Variants in ACOXL observed in about 807,000 individuals in gnomAD.
ACOXL encodes the protein acyl-CoA oxidase like.
ACOXL carries 70 observed loss-of-function variants against 71.9 expected under a neutral mutation model. The ratio of observed to expected loss-of-function variants is 0.97; its 90% CI spans 0.80 to 1.19. The LOEUF (loss-of-function observed/expected upper bound fraction) is 1.19, where lower values mean the gene tolerates loss of function less well. ACOXL is among the 50% of genes most tolerant of loss of function. The pLI is 0.00. For synonymous variants in ACOXL, 253 were observed against 281.6 expected (o/e 0.90, Z 1.02); for missense variants, 703 against 736.3 (o/e 0.95, Z 0.52).
chr2:111,049,044 T>C (rs145510803), intron 15 of ACOXL, among the ~76,000 whole-genome samples, 174 bp from the exon 16 acceptor site: 2 of 152,256 alleles, frequency 1.3e-5, no homozygotes, highest in East Asian at 3.9e-4. Flanking sequence ...GAGAAGTCAC[T>C]GTACGGGGGC....
intron 11 of ACOXL, among the ~76,000 whole-genome samples, chr2:110,932,102 G>A (rs1049690685): frequency 1.3e-5 from 2 of 152,166 alleles, no homozygotes; most frequent in Non-Finnish European, 2.9e-5. Context: ...GCAATAAAAA[G>A]GAACAACTAC....
At chr2:110,857,149 T>G (rs1384528682) in intron 10 of ACOXL, among the ~76,000 whole-genome samples, 1 of 152,174 alleles carries the variant, frequency 6.6e-6, no homozygotes, top group Non-Finnish European at 1.5e-5. Flanking sequence ...GCTTTGATCT[T>G]TCTTCTCTGC....
chr2:110,972,474 A>G (rs749956388), intron 12 of ACOXL, among the ~76,000 whole-genome samples: 15 of 152,214 alleles, frequency 9.9e-5, no homozygotes, highest in African/African-American at 1.9e-4. Flanking sequence ...GGGTGTGTCA[A>G]CGGTCCCCAG....
At chr2:111,043,916 TCTC>T (rs962709763) in intron 15 of ACOXL, among the ~76,000 whole-genome samples, 6 of 152,188 alleles carry the variant, frequency 3.9e-5, no homozygotes, top group Non-Finnish European at 8.8e-5. Flanking sequence ...GCTGGTGCAA[TCTC>T]CTCTTTCCAG....
At chr2:110,754,070 ATTT>A (rs558367497) in intron 1 of ACOXL, among the ~76,000 whole-genome samples, 4 of 119,848 alleles carry the variant, frequency 3.3e-5, no homozygotes, top group Admixed American at 8.5e-5. Context: ...AGTTCTGTGA[ATTT>A]TTTTTTTTTT....
At chr2:110,981,681 C>T (rs2062713983) in intron 12 of ACOXL, among the ~76,000 whole-genome samples, 1 of 152,164 alleles carries the variant, frequency 6.6e-6, no homozygotes, top group Admixed American at 6.6e-5. Context: ...AAAAGCTCTC[C>T]TGTTCCATAA....
At chr2:110,954,544 T>C (rs1056303136) in intron 12 of ACOXL, among the ~76,000 whole-genome samples, 1 of 152,198 alleles carries the variant, frequency 6.6e-6, no homozygotes, top group African/African-American at 2.4e-5. Context: ...ACTTACGAAG[T>C]CTGAAGTGAA....
chr2:111,081,893 G>A (rs2067943025), intron 16 of ACOXL, among the ~76,000 whole-genome samples: 1 of 152,044 alleles, frequency 6.6e-6, no homozygotes, highest in Non-Finnish European at 1.5e-5. Context: ...TCTGATCTTT[G>A]ACAAACCTTA....
intron 14 of ACOXL, among the ~76,000 whole-genome samples, chr2:111,029,563 A>G (rs1314319107): frequency 6.6e-6 from 1 of 152,150 alleles, no homozygotes; most frequent in Non-Finnish European, 1.5e-5. Context: ...TCAGCCTCTT[A>G]TTTCCTACCA....
intron 17 of ACOXL, among the ~76,000 whole-genome samples, chr2:111,106,083 T>C (rs76399173): frequency 0.038 from 5,723 of 152,298 alleles, 376 homozygotes; most frequent in African/African-American, 0.13. Flanking sequence ...TCAGCCAATT[T>C]TTCAAGTACT....
At chr2:110,811,538 G>A (rs774574333) in intron 9 of ACOXL, among the ~76,000 whole-genome samples, 5 of 152,140 alleles carry the variant, frequency 3.3e-5, no homozygotes, top group Admixed American at 6.5e-5. Flanking sequence ...TGCTCATTCT[G>A]TTGACACTTT....
At chr2:110,739,671 G>T (rs1189660347) in intron 1 of ACOXL, among the ~76,000 whole-genome samples, 3 of 152,216 alleles carry the variant, frequency 2.0e-5, no homozygotes, top group Non-Finnish European at 2.9e-5. Flanking sequence ...CTCAGGCTTT[G>T]ATGGACTTGG....
intron 2 of ACOXL, among the ~76,000 whole-genome samples, chr2:110,771,329 C>T (rs1165736088): frequency 6.6e-6 from 1 of 152,194 alleles, no homozygotes; most frequent in African/African-American, 2.4e-5. Flanking sequence ...CATCCTGCCT[C>T]TTAATAAAAT....
In ACOXL at chr2:110,760,304, G is replaced by A. The variant is rs112155962; in HGVS notation, c.-22-8064G>A. 4.1e-4 allele frequency among the ~76,000 whole-genome samples: 62 copies of A among 151,890 alleles called. 1 individual carries two copies. Among genetic ancestry groups the A allele is most frequent in the African/African-American group, 1.4e-3 (58 of 41,416 alleles). On this transcript the variant is annotated intron_variant, in intron 1 of 17. Transcript: ENST00000439055. Reference sequence around the variant, plus strand: ...ACAGGCACTGACCGCCACCACGCCTGGCTAATTTTTTTTGCATTTTTAGTA... The same window carrying A: ...ACAGGCACTGACCGCCACCACGCCTAGCTAATTTTTTTTGCATTTTTAGTA...
intron 14 of ACOXL, among the ~76,000 whole-genome samples, chr2:110,999,596 T>TC (rs2063535008): frequency 6.6e-6 from 1 of 152,182 alleles, no homozygotes; most frequent in African/African-American, 2.4e-5. Flanking sequence ...AGAGTTGGTC[T>TC]GTGTGACATA....
chr2:110,907,743 A>G (rs552971401), intron 10 of ACOXL, among the ~76,000 whole-genome samples: 102 of 152,352 alleles, frequency 6.7e-4, no homozygotes, highest in African/African-American at 2.3e-3. Context: ...CACCAGACTT[A>G]TGAGATGCCT....
intron 17 of ACOXL, among the ~76,000 whole-genome samples, chr2:111,113,528 C>A (rs2070136186): frequency 6.6e-6 from 1 of 152,222 alleles, no homozygotes; most frequent in South Asian, 2.1e-4. Context: ...GTACTTCATG[C>A]CTTTACCTGC....
At chr2:111,015,945 G>A (rs1227258280) in intron 14 of ACOXL, among the ~76,000 whole-genome samples, 1 of 152,004 alleles carries the variant, frequency 6.6e-6, no homozygotes, top group East Asian at 1.9e-4. Context: ...GTTTTCTTTT[G>A]TTTTAGAGAC....
intron 12 of ACOXL, among the ~76,000 whole-genome samples, chr2:110,938,296 A>G (rs566303987): frequency 2.0e-5 from 3 of 152,218 alleles, no homozygotes; most frequent in African/African-American, 7.2e-5. Flanking sequence ...AGGGGAGGAA[A>G]GGAATAAAGG....
Sources: gnomAD v4.1 joint callset for allele counts (sites outside exome capture counted in the v4.1 genomes callset) on GRCh38, gnomAD v4.1.1 for gene constraint, MANE v1.5 for transcripts, NCBI Gene and HGNC (gene_info 2026-07-23, HGNC 2026-07-21) for gene names.